The following CSTF1 variants were observed in gnomAD, a reference collection of about 807,000 sequenced individuals.
CSTF1 encodes cleavage stimulation factor subunit 1, also known as CF-1 50 kDa subunit.
In CSTF1, 2 loss-of-function variants were observed where a neutral mutation model predicts 40.9. That is an observed-to-expected ratio of 0.05 (90% CI 0.02 to 0.15). The LOEUF (loss-of-function observed/expected upper bound fraction) is 0.15. Among genes scored for constraint, CSTF1 ranks in the 10% least tolerant of loss-of-function variants. CSTF1 has a pLI of 1.00. For synonymous variants in CSTF1, 218 were observed against 207.2 expected, an observed-to-expected ratio of 1.05 and a Z score of -0.45; for missense variants, 279 against 558.9, an observed-to-expected ratio of 0.50 and a Z score of 5.05.
rs1296396535 is a variant in CSTF1, at chr20:56,395,741, C to T, written c.169+20C>T. 1 of 1,606,160 alleles carries T rather than the reference C, an allele frequency of 6.2e-7. No individual in the cohort carries two copies. Among genetic ancestry groups the T allele is most frequent in the Admixed American group, 1.7e-5 (1 of 58,124 alleles). The stretch of plus-strand genomic sequence containing the variant: ...AACTCGGTAGATTGTGAACACAAAT[C>T]CATACGTCCCATGGCAAGGTTTTAG... On this transcript the variant is annotated intron_variant, in intron 2 of 5. Coordinates refer to ENST00000217109, the MANE Select transcript of CSTF1 (RefSeq NM_001324.3).
At chr20:56,398,484 T>C (rs556092793) in intron 4 of CSTF1, among the ~76,000 whole-genome samples, 59 of 152,170 alleles carry the variant, frequency 3.9e-4, no homozygotes, top group Non-Finnish European at 7.5e-4. Context: ...GCAAGGATGA[T>C]CATTTGAGCC....
intron 5 of CSTF1, among the ~76,000 whole-genome samples, chr20:56,401,444 G>A (rs746008274): frequency 6.6e-6 from 1 of 152,176 alleles, no homozygotes; most frequent in Admixed American, 6.5e-5. Context: ...GAGATTTCGG[G>A]AAATCATATT....
At position 56,392,689 on chromosome 20, in the gene CSTF1, G is replaced by C. The variant is rs922381763; in HGVS notation, c.-57G>C. ...CCTCCATTTTTCCAGGAGAGAGCGG[G>C]ATACCAAGAGAACCGGACCAGCTGG... On this transcript the variant is annotated 5_prime_UTR_variant, in exon 1 of 6. Coordinates refer to ENST00000217109, the MANE Select transcript of CSTF1 (RefSeq NM_001324.3). 6.6e-6 allele frequency: 1 copy of C among 152,162 alleles called. No individual in the cohort carries two copies. The highest frequency in any genetic ancestry group is 1.5e-5 in the Non-Finnish European group (1 of 68,044). The allele number at this position is 152,162 out of a possible 1,614,324, so 9.4% of individuals were successfully genotyped here. A position where few individuals can be genotyped will look rare whatever the true frequency, so the allele number is the denominator to read the frequency against.
rs1978648337 is a variant in CSTF1 at position 56,405,051 on chromosome 20, A to G, written c.*1324A>G. 1 of 151,894 alleles carries G rather than the reference A, an allele frequency of 6.6e-6. No homozygotes were observed. The highest frequency in any genetic ancestry group is 1.5e-5 in the Non-Finnish European group (1 of 68,000). 9.4% of individuals were successfully genotyped at this position (151,894 alleles called of 1,614,324 possible). ...AACTCTGAACTCCCCTTGTACAAAC[A>G]TAAACTTTGCTTTATATTTATCCCA... On this transcript the variant is annotated 3_prime_UTR_variant, in exon 6 of 6. Transcript: ENST00000217109.
At position 56,399,878 on chromosome 20, in the gene CSTF1, T is replaced by G. The variant is rs771427757; in HGVS notation, c.1036+521T>G. Among the ~76,000 whole-genome samples the G allele has an allele frequency of 6.6e-6, 1 of 152,236 alleles. No homozygotes were observed. Among genetic ancestry groups the G allele is most frequent in the Non-Finnish European group, 1.5e-5 (1 of 68,038 alleles). The stretch of plus-strand genomic sequence containing the variant: ...AAATTGCATCCACTGAATTCTCATT[T>G]ATGTATGTTGGTCTCATTGGTAACA... On this transcript the variant is annotated intron_variant, in intron 5 of 5. Coordinates refer to ENST00000217109, the MANE Select transcript of CSTF1 (RefSeq NM_001324.3). This position sits in a 1 kb window ranked among gnomAD's most constrained non-coding sequence, Gnocchi z 4.6.
At chr20:56,393,356 A>G (rs909634907) in intron 1 of CSTF1, among the ~76,000 whole-genome samples, 3 of 152,198 alleles carry the variant, frequency 2.0e-5, no homozygotes, top group African/African-American at 7.2e-5. Context: ...CAGGATGTGC[A>G]TGTAAAGCAT....
intron 1 of CSTF1, among the ~76,000 whole-genome samples, chr20:56,393,188 G>A (rs76759019): frequency 3.2e-4 from 49 of 150,770 alleles, no homozygotes; most frequent in South Asian, 4.2e-4. Context: ...GTGTGTGTGT[G>A]TATGTACACC....
chr20:56,397,577 A>T lies in CSTF1; in HGVS notation c.448-67A>T. 1 of 1,598,512 alleles carries T rather than the reference A, an allele frequency of 6.3e-7. No individual in the cohort carries two copies. The highest frequency in any genetic ancestry group is 8.6e-7 in the Non-Finnish European group (1 of 1,167,334). ...GTTGAAACCAGCTTTAGTTTGCTAC[A>T]GTTGTGGATTGTGCACTTGGATTCA... On this transcript the variant is annotated intron_variant, in intron 3 of 5. Coordinates refer to ENST00000217109, the MANE Select transcript of CSTF1 (RefSeq NM_001324.3). The surrounding 1 kb of genome is among the most constrained non-coding windows in gnomAD (Gnocchi z 4.4).
intron 2 of CSTF1, chr20:56,396,008 A>G: frequency 3.6e-6 from 1 of 280,462 alleles, no homozygotes; most frequent in Non-Finnish European, 6.6e-6. Flanking sequence ...TTTTACATCA[A>G]ATGTCATCTG....
In CSTF1 at chr20:56,397,964, A is replaced by C; in HGVS notation, c.645+123A>C. The C allele has an allele frequency of 1.3e-6, 1 of 743,018 alleles. No homozygotes were observed. The highest frequency in any genetic ancestry group is 2.2e-6 in the Non-Finnish European group (1 of 459,744). The allele number at this position is 743,018 out of a possible 1,614,324, so 46.0% of individuals were successfully genotyped here. A position where few individuals can be genotyped will look rare whatever the true frequency, so the allele number is the denominator to read the frequency against. On this transcript the variant is annotated intron_variant, in intron 4 of 5. Transcript: ENST00000217109. This position sits in a 1 kb window ranked among gnomAD's most constrained non-coding sequence, Gnocchi z 4.4. ...GTAAGATGCGTACAGACCAGGATGC[A>C]TGCCCGATGGCACATGGATCAGATT...
rs1348029294 is a variant in CSTF1, at chr20:56,403,840, G to C, written c.*113G>C. On this transcript the variant is annotated 3_prime_UTR_variant, in exon 6 of 6. Transcript: ENST00000217109. ...TCCTTGACGTTTTGCTGCCACCTCT[G>C]TCCACATTCTTCTTGGATTTGTATA... 28 of 1,028,470 alleles carry C rather than the reference G, an allele frequency of 2.7e-5. No homozygotes were observed. Among genetic ancestry groups the C allele is most frequent in the Non-Finnish European group, 3.9e-5 (27 of 698,358 alleles). The allele number at this position is 1,028,470 out of a possible 1,614,324, so 63.7% of individuals were successfully genotyped here.
At position 56,403,693 on chromosome 20, in the gene CSTF1, C is replaced by G; in HGVS notation, c.1262C>G (p.Ala421Gly). ...ATGACGTGCAGCGATGACTTCAGAG[C>G]GCGGTTTTGGTACCGGAGATCGACC... ...GFMTCSDDFR[A>G]RFWYRRSTTD is the part of the protein sequence containing the mutation. The change falls in exon 6 of 6, where the codon GCG becomes GGG. Residue 421 changes from alanine (A) to glycine (G), a missense_variant. Physicochemically the swap from Ala to Gly is moderately conservative, Grantham distance 60. Around this residue, in one of 4 missense-constraint regions of CSTF1, gnomAD observed 162 missense variants for 337.1 expected, o/e 0.48. Coordinates refer to ENST00000217109, the MANE Select transcript of CSTF1 (RefSeq NM_001324.3). 6.2e-7 allele frequency: 1 copy of G among 1,613,798 alleles called. No individual in the cohort carries two copies. The highest frequency in any genetic ancestry group is 8.5e-7 in the Non-Finnish European group (1 of 1,179,784).
Position 56,397,992 on chromosome 20 carries a change from G to T in CSTF1, c.645+151G>T, listed in dbSNP as rs988893858. 1.4e-5 allele frequency: 9 copies of T among 659,462 alleles called. No homozygotes were observed. The highest frequency in any genetic ancestry group is 1.1e-4 in the Admixed American group (4 of 35,576). The allele number at this position is 659,462 out of a possible 1,614,324, so 40.9% of individuals were successfully genotyped here. The stretch of plus-strand genomic sequence containing the variant: ...CCCGATGGCACATGGATCAGATTTT[G>T]TTGGCACATAGATCACATGCTATCA... On this transcript the variant is annotated intron_variant, in intron 4 of 5. Coordinates refer to ENST00000217109, the MANE Select transcript of CSTF1 (RefSeq NM_001324.3). The surrounding 1 kb of genome is among the most constrained non-coding windows in gnomAD (Gnocchi z 4.4).
rs1445746387 is a variant in CSTF1, at chr20:56,404,625, T to TA, written c.*899dup. On this transcript the variant is annotated 3_prime_UTR_variant, in exon 6 of 6. Transcript: ENST00000217109. Reference sequence around the variant, plus strand: ...AAGATTTATGCAGTTAACCAATTGATACAAGTTTTCTTTTTCTTGAATTTT... The same window carrying TA: ...AAGATTTATGCAGTTAACCAATTGATAACAAGTTTTCTTTTTCTTGAATTTT... 6.6e-6 allele frequency: 1 copy of TA among 151,886 alleles called. No individual in the cohort carries two copies. Among genetic ancestry groups the TA allele is most frequent in the African/African-American group, 2.4e-5 (1 of 41,332 alleles). 9.4% of individuals were successfully genotyped at this position (151,886 alleles called of 1,614,324 possible).
At chr20:56,398,808 T>C (rs1371107687) in intron 4 of CSTF1, among the ~76,000 whole-genome samples, 159 bp from the exon 5 acceptor site, 6 of 152,238 alleles carry the variant, frequency 3.9e-5, no homozygotes, top group Admixed American at 1.3e-4. Flanking sequence ...CAAAAAATAC[T>C]TTCATATGTT....
chr20:56,397,934 A>G lies in CSTF1; in HGVS notation c.645+93A>G. On this transcript the variant is annotated intron_variant, in intron 4 of 5. Coordinates refer to ENST00000217109, the MANE Select transcript of CSTF1 (RefSeq NM_001324.3). This position sits in a 1 kb window ranked among gnomAD's most constrained non-coding sequence, Gnocchi z 4.4. The stretch of plus-strand genomic sequence containing the variant: ...CTTTTTAAAAGTAGTCTCAGTGATC[A>G]TCCTGTAAGATGCGTACAGACCAGG... 1 of 1,009,046 alleles carries G rather than the reference A, an allele frequency of 9.9e-7. No individual in the cohort carries two copies. The highest frequency in any genetic ancestry group is 1.6e-5 in the African/African-American group (1 of 62,080). The allele number at this position is 1,009,046 out of a possible 1,614,324, so 62.5% of individuals were successfully genotyped here.
intron 1 of CSTF1, among the ~76,000 whole-genome samples, chr20:56,393,366 T>G (rs941062621): frequency 1.3e-5 from 2 of 152,024 alleles, no homozygotes; most frequent in African/African-American, 4.8e-5. Context: ...ATGTAAAGCA[T>G]TGAGCTAGCA....
rs527421194 is a variant in CSTF1, at chr20:56,394,372, G to A, written c.-32-1149G>A. Among the ~76,000 whole-genome samples the A allele has an allele frequency of 2.5e-4, 38 of 152,296 alleles. No homozygotes were observed. The South Asian group carries it at 7.7e-3, about 31-fold the overall frequency. On this transcript the variant is annotated intron_variant, in intron 1 of 5. Coordinates refer to ENST00000217109, the MANE Select transcript of CSTF1 (RefSeq NM_001324.3). ...AGGCGGAGGCAGGCAGATCACCTGA[G>A]GTCAGGAGTTTCGAGACCAGCCTGG...
Position 56,403,455 on chromosome 20 carries a change from C to T in CSTF1, c.1037-13C>T. 3 of 1,613,814 alleles carry T rather than the reference C, an allele frequency of 1.9e-6. No individual in the cohort carries two copies. Among genetic ancestry groups the T allele is most frequent in the Non-Finnish European group, 1.7e-6 (2 of 1,179,766 alleles). On this transcript the variant is annotated splice_polypyrimidine_tract_variant and intron_variant, in intron 5 of 5. Coordinates refer to ENST00000217109, the MANE Select transcript of CSTF1 (RefSeq NM_001324.3). ...TGGACTTAGAAAGCTATCCCTCTTG[C>T]TCTCTGTGGCAGGCGCGGGTTTAAG... is the stretch of plus-strand genomic sequence containing the variant.
Sources: gnomAD v4.1 joint callset for allele counts (sites outside exome capture counted in the v4.1 genomes callset) on GRCh38, gnomAD v4.1.1 for gene constraint, gnomAD v4.1.1 regional missense constraint, Gnocchi (gnomAD v3.1) non-coding constraint, MANE v1.5 for transcripts, NCBI Gene and HGNC (gene_info 2026-07-23, HGNC 2026-07-21) for gene names.